PLCL2: variants seen among roughly 807,000 people sequenced by gnomAD.
PLCL2 encodes the protein phospholipase C like 2, also known as inactive phospholipase C-like protein 2.
In PLCL2, 4 loss-of-function variants were observed where a neutral mutation model predicts 79.6. The ratio of observed to expected loss-of-function variants is 0.05; its 90% CI spans 0.02 to 0.11. PLCL2 has a LOEUF of 0.11. Among genes scored for constraint, PLCL2 ranks in the 10% least tolerant of loss-of-function variants. The probability of loss-of-function intolerance (pLI) is 1.00; values close to 1 mark genes in which losing one functional copy is unlikely to be tolerated. For missense variants in PLCL2, 895 were observed against 1,291.0 expected (o/e 0.69, Z 4.70); for synonymous variants, 484 against 457.7 (o/e 1.06, Z -0.73).
rs1559517932 is a variant in PLCL2, at chr3:17,010,882, G to A, written c.1536G>A (p.Glu512=). The change falls in exon 2 of 6, where the codon GAG becomes GAA. Residue 512 remains glutamate (E), a synonymous_variant. Coordinates refer to ENST00000615277, the MANE Select transcript of PLCL2 (RefSeq NM_001144382.2). This position sits in a 1 kb window ranked among gnomAD's most constrained non-coding sequence, Gnocchi z 5.8. ...ACAAGTATGCATTCTTTGCTTCAGA[G>A]TATCCTCTTATCTTGTGTTTAGAAA... ...IINKYAFFAS[E]YPLILCLENH... 6.2e-7 allele frequency: 1 copy of A among 1,613,998 alleles called. No homozygotes were observed.
chr3:16,960,089 A>C (rs1365395601), intron 1 of PLCL2, among the ~76,000 whole-genome samples: 1 of 152,176 alleles, frequency 6.6e-6, no homozygotes, highest in African/African-American at 2.4e-5. Flanking sequence ...TGGGCGACAG[A>C]GGAAGACTCC....
In PLCL2 at chr3:17,010,502, C is replaced by T. The variant is rs1449738459; in HGVS notation, c.1156C>T (p.His386Tyr). The change falls in exon 2 of 6, where the codon CAC becomes TAC. Residue 386 changes from histidine to tyrosine, a missense_variant. By Grantham distance (83) the His-to-Tyr change is moderately conservative. Transcript: ENST00000615277. This position sits in a 1 kb window ranked among gnomAD's most constrained non-coding sequence, Gnocchi z 5.8. ...TGAGGAAATAAGCCTTGAAATTATT[C>T]ACAAATATGAACCATCCAAAGAGGG... ...INEEISLEIIHKYEPSKEGQE... is the reference protein window; with the variant it reads ...INEEISLEIIYKYEPSKEGQE... 1.2e-6 allele frequency: 2 copies of T among 1,613,864 alleles called. No individual in the cohort carries two copies. Among genetic ancestry groups the T allele is most frequent in the Non-Finnish European group, 1.7e-6 (2 of 1,179,964 alleles).
rs77594988 is a variant in PLCL2 at position 16,939,150 on chromosome 3, G to T, written c.327+53784G>T. 8.9e-3 allele frequency among the ~76,000 whole-genome samples: 1,347 copies of T among 152,012 alleles called. 24 individuals are homozygous for T. Among genetic ancestry groups the T allele is most frequent in the African/African-American group, 0.031 (1,282 of 41,460 alleles). Reference sequence around the variant, plus strand: ...TCCCTGTAGATAGCAAAGGGTAAGCGGGTAATCACACACTCTTTCTTGTCA... The same window carrying T: ...TCCCTGTAGATAGCAAAGGGTAAGCTGGTAATCACACACTCTTTCTTGTCA... On this transcript the variant is annotated intron_variant, in intron 1 of 5. Transcript: ENST00000615277.
intron 1 of PLCL2, among the ~76,000 whole-genome samples, chr3:16,946,391 A>G (rs561158313): frequency 6.6e-6 from 1 of 151,956 alleles, no homozygotes; most frequent in South Asian, 2.1e-4. Flanking sequence ...GAGGATCAAA[A>G]TGAAAGCTTT....
intron 4 of PLCL2, among the ~76,000 whole-genome samples, chr3:17,052,906 C>G: frequency 6.6e-6 from 1 of 152,126 alleles, no homozygotes; most frequent in African/African-American, 2.4e-5. Flanking sequence ...TGTTAATCAA[C>G]TGTTTATGTT....
intron 1 of PLCL2, among the ~76,000 whole-genome samples, chr3:16,971,736 T>G (rs1353122395): frequency 6.6e-6 from 1 of 152,158 alleles, no homozygotes; most frequent in East Asian, 1.9e-4. Flanking sequence ...GAGCAGTGGT[T>G]TGTAGTTCTC....
At chr3:16,910,602 A>C (rs1307217424) in intron 1 of PLCL2, among the ~76,000 whole-genome samples, 2 of 151,786 alleles carry the variant, frequency 1.3e-5, no homozygotes, top group Non-Finnish European at 2.9e-5. Context: ...TGATATTCTC[A>C]TCCCGTCTTG....
chr3:17,068,529 A>G (rs576109680), intron 5 of PLCL2, among the ~76,000 whole-genome samples: 1 of 152,384 alleles, frequency 6.6e-6, no homozygotes, highest in South Asian at 2.1e-4. Flanking sequence ...AAGGAAATAC[A>G]TAAAAGAATT....
At chr3:16,992,067 TAG>T (rs1262800637) in intron 1 of PLCL2, among the ~76,000 whole-genome samples, 1 of 152,228 alleles carries the variant, frequency 6.6e-6, no homozygotes, top group Admixed American at 6.5e-5. Context: ...GGAGGGATAT[TAG>T]AGAGTCCAAG....
At chr3:16,934,478 T>G (rs974553286) in intron 1 of PLCL2, among the ~76,000 whole-genome samples, 1 of 152,164 alleles carries the variant, frequency 6.6e-6, no homozygotes, top group Non-Finnish European at 1.5e-5. Flanking sequence ...GTGTATCTGT[T>G]GGCAGTCTGG....
At chr3:17,059,443 TGTGTGTG>T (rs371548908) in intron 4 of PLCL2, among the ~76,000 whole-genome samples, 1 of 131,206 alleles carries the variant, frequency 7.6e-6, no homozygotes, top group Non-Finnish European at 1.6e-5. Flanking sequence ...TATATATATG[TGTGTGTG>T]TGTATATATA....
At chr3:17,037,416 G>A (rs2064669392) in intron 3 of PLCL2, among the ~76,000 whole-genome samples, 1 of 152,186 alleles carries the variant, frequency 6.6e-6, no homozygotes, top group African/African-American at 2.4e-5. Flanking sequence ...AGTTTGGAAA[G>A]ATACTTCCCT....
At position 17,009,313 on chromosome 3, in the gene PLCL2, G is replaced by GA. The variant is rs1343160196; in HGVS notation, c.328-360dup. ...AAAAAATTTTTTTTTGTAGAGATGGGATCTCACTGTATTACCCAGGTTGGT... is the reference window on the plus strand; with the variant it reads ...AAAAAATTTTTTTTTGTAGAGATGGGAATCTCACTGTATTACCCAGGTTGGT... On this transcript the variant is annotated intron_variant, in intron 1 of 5. Transcript: ENST00000615277. This position sits in a 1 kb window ranked among gnomAD's most constrained non-coding sequence, Gnocchi z 4.0. Among the ~76,000 whole-genome samples the GA allele has an allele frequency of 2.0e-5, 3 of 152,030 alleles. No homozygotes were observed. The highest frequency in any genetic ancestry group is 7.2e-5 in the African/African-American group (3 of 41,390).
intron 5 of PLCL2, among the ~76,000 whole-genome samples, chr3:17,088,916 T>A (rs2065247623): frequency 6.6e-6 from 1 of 152,252 alleles, no homozygotes; most frequent in Non-Finnish European, 1.5e-5. Context: ...ATCAAGTTGA[T>A]GGTCAGACCT....
chr3:17,023,120 G>T (rs545409864), intron 3 of PLCL2, among the ~76,000 whole-genome samples: 1 of 152,166 alleles, frequency 6.6e-6, no homozygotes, highest in African/African-American at 2.4e-5. Context: ...CCTCGAGGTG[G>T]GTACATAGTG....
At chr3:17,069,229 G>T (rs1052656736) in intron 5 of PLCL2, among the ~76,000 whole-genome samples, 4 of 152,200 alleles carry the variant, frequency 2.6e-5, no homozygotes, top group Non-Finnish European at 5.9e-5. Flanking sequence ...ATGAATTTTA[G>T]GGGAAATGAA....
At chr3:16,977,892 A>G (rs1328102003) in intron 1 of PLCL2, among the ~76,000 whole-genome samples, 1 of 152,220 alleles carries the variant, frequency 6.6e-6, no homozygotes, top group Non-Finnish European at 1.5e-5. Context: ...CATAGATGGC[A>G]CCTAATCTTG....
chr3:16,886,263 C>T lies in PLCL2; in HGVS notation c.327+897C>T, dbSNP rs573925124. On this transcript the variant is annotated intron_variant, in intron 1 of 5. Transcript: ENST00000615277. The surrounding 1 kb of genome is among the most constrained non-coding windows in gnomAD (Gnocchi z 4.2). The stretch of plus-strand genomic sequence containing the variant: ...AGAGCAGAGCCTTAGGCAAGACCAG[C>T]TCATTCGGCTCGCTCAAGTTTGGAG... Among the ~76,000 whole-genome samples, 8 of 152,320 alleles carry T rather than the reference C, an allele frequency of 5.3e-5. No homozygotes were observed. The highest frequency in any genetic ancestry group is 1.9e-4 in the African/African-American group (8 of 41,570).
intron 2 of PLCL2, 38 bp downstream of exon 2, chr3:17,012,198 C>A: frequency 7.0e-6 from 11 of 1,560,864 alleles, no homozygotes; most frequent in Non-Finnish European, 9.5e-6. Context: ...CAATGGTTTT[C>A]CTACTTTGTA....
Sources: gnomAD v4.1 joint callset for allele counts (sites outside exome capture counted in the v4.1 genomes callset) on GRCh38, gnomAD v4.1.1 for gene constraint, Gnocchi (gnomAD v3.1) non-coding constraint, MANE v1.5 for transcripts, NCBI Gene and HGNC (gene_info 2026-07-23, HGNC 2026-07-21) for gene names.